The following MAGI2 variants were observed in gnomAD, a reference collection of about 807,000 sequenced individuals.
MAGI2 encodes membrane associated guanylate kinase, WW and PDZ domain containing 2, also known as membrane-associated guanylate kinase, WW and PDZ domain-containing protein 2.
MAGI2 carries 35 observed loss-of-function variants against 133.3 expected under a neutral mutation model. That is an observed-to-expected ratio of 0.26 (90% CI 0.20 to 0.35). MAGI2 has a LOEUF of 0.35. MAGI2 is among the 10% of genes least tolerant of loss of function. The pLI, the probability that MAGI2 is intolerant of heterozygous loss-of-function variation, is 1.00. For missense variants in MAGI2, 1,636 were observed against 1,863.4 expected, an observed-to-expected ratio of 0.88 and a Z score of 2.25; for synonymous variants, 729 against 710.6, an observed-to-expected ratio of 1.03 and a Z score of -0.41.
chr7:79,388,082 G>T (rs188434889), intron 1 of MAGI2, among the ~76,000 whole-genome samples: 97 of 151,970 alleles, frequency 6.4e-4, no homozygotes, highest in African/African-American at 2.2e-3. Flanking sequence ...ATTTACCTGA[G>T]ATTAGCATCT....
chr7:78,961,425 A>T (rs1197176289), intron 2 of MAGI2, among the ~76,000 whole-genome samples: 1 of 152,084 alleles, frequency 6.6e-6, no homozygotes, highest in African/African-American at 2.4e-5. Context: ...CCAGAAAAAC[A>T]TCTCCTTTGG....
At chr7:78,489,556 G>A (rs1793396772) in intron 6 of MAGI2, among the ~76,000 whole-genome samples, 1 of 152,072 alleles carries the variant, frequency 6.6e-6, no homozygotes, top group Admixed American at 6.6e-5. Context: ...GTGATATTCA[G>A]CACAGTCTCC....
chr7:78,452,120 A>G (rs529156814), intron 6 of MAGI2, among the ~76,000 whole-genome samples: 2 of 152,174 alleles, frequency 1.3e-5, no homozygotes, highest in East Asian at 3.9e-4. Context: ...CTGAGTGTGG[A>G]CTGTGTTCTA....
In MAGI2 at chr7:78,535,961, G is replaced by A. The variant is rs190188866; in HGVS notation, c.539-14316C>T. Among the ~76,000 whole-genome samples, 240 of 148,344 alleles carry A rather than the reference G, an allele frequency of 1.6e-3. 1 individual carries two copies. Among genetic ancestry groups the A allele is most frequent in the African/African-American group, 5.8e-3 (230 of 39,692 alleles). On this transcript the variant is annotated intron_variant, in intron 3 of 21. Transcript: ENST00000354212. ...AACTCCCTGTGATTTATCTTCCGCC[G>A]GACCAATCAGCACTCCCTACTTTCT...
At chr7:79,405,029 G>C (rs1845714730) in intron 1 of MAGI2, among the ~76,000 whole-genome samples, 3 of 152,106 alleles carry the variant, frequency 2.0e-5, no homozygotes, top group Admixed American at 6.6e-5. Flanking sequence ...AAGGGAAAAG[G>C]AGCTGGCCAT....
chr7:78,348,395 A>G (rs1791138548), intron 7 of MAGI2: 1 of 152,216 alleles, frequency 6.6e-6, no homozygotes, highest in African/African-American at 2.4e-5. Flanking sequence ...GGAGAACCCA[A>G]CAATGAAGTT....
rs528737581 is a variant in MAGI2, at chr7:78,285,954, G to A, written c.1409-29373C>T. ...TAAAATCTCTGGGACTGGAATGGAG[G>A]CATGAAAATATATTTTAAAGATCCC... On this transcript the variant is annotated intron_variant, in intron 9 of 21. Coordinates refer to ENST00000354212, the MANE Select transcript of MAGI2 (RefSeq NM_012301.4). 6 of 152,236 alleles carry A rather than the reference G, an allele frequency of 3.9e-5. No individual in the cohort carries two copies. The South Asian group carries it at 1.0e-3, about 26-fold the overall frequency. The allele number at this position is 152,236 out of a possible 1,614,324, so 9.4% of individuals were successfully genotyped here.
chr7:79,418,915 A>G (rs1846744002), intron 1 of MAGI2, among the ~76,000 whole-genome samples: 1 of 151,230 alleles, frequency 6.6e-6, no homozygotes, highest in Non-Finnish European at 1.5e-5. Context: ...AAAAGAATTT[A>G]CAAGCTCATA....
chr7:78,102,146 T>C (rs1818264980), intron 20 of MAGI2, among the ~76,000 whole-genome samples: 1 of 152,146 alleles, frequency 6.6e-6, no homozygotes, highest in Non-Finnish European at 1.5e-5. Context: ...ATGTGGAACC[T>C]TAAAAAGTGA....
intron 6 of MAGI2, among the ~76,000 whole-genome samples, chr7:78,383,024 A>C (rs1795068543): frequency 6.6e-6 from 1 of 152,110 alleles, no homozygotes; most frequent in Non-Finnish European, 1.5e-5. Context: ...ATGAACACTT[A>C]GGTTTATTTC....
At chr7:78,644,972 T>C (rs911047278) in intron 2 of MAGI2, among the ~76,000 whole-genome samples, 2 of 152,192 alleles carry the variant, frequency 1.3e-5, no homozygotes, top group African/African-American at 4.8e-5. Flanking sequence ...AGGATATTAA[T>C]GGTATATTAT....
rs1482734563 is a variant in MAGI2, at chr7:78,566,530, G to GT, written c.539-44886dup. Among the ~76,000 whole-genome samples, 10 of 74,624 alleles carry GT rather than the reference G, an allele frequency of 1.3e-4. No individual in the cohort carries two copies. In the South Asian group the frequency reaches 3.1e-3, roughly 23 times the overall value. 49.0% of individuals were successfully genotyped at this position (74,624 alleles called of 152,430 possible). A position where few individuals can be genotyped will look rare whatever the true frequency, so the allele number is the denominator to read the frequency against. Reference sequence around the variant, plus strand: ...AAAGACAGGGCTATCAACAGACACAGTTTAAAAAAAAAAAAAAAAACAGAG... The same window carrying GT: ...AAAGACAGGGCTATCAACAGACACAGTTTTAAAAAAAAAAAAAAAAACAGAG... On this transcript the variant is annotated intron_variant, in intron 3 of 21. Coordinates refer to ENST00000354212, the MANE Select transcript of MAGI2 (RefSeq NM_012301.4).
intron 2 of MAGI2, among the ~76,000 whole-genome samples, chr7:78,676,358 T>A (rs1250870403): frequency 2.0e-5 from 3 of 152,190 alleles, no homozygotes; most frequent in Non-Finnish European, 4.4e-5. Context: ...ATTCTCACAC[T>A]GTTTTCTTGG....
chr7:78,867,055 G>C (rs1018116055), intron 2 of MAGI2, among the ~76,000 whole-genome samples: 1 of 150,470 alleles, frequency 6.6e-6, no homozygotes, highest in Non-Finnish European at 1.5e-5. Context: ...TGCTGGAGAG[G>C]ATGTGGAGAA....
At position 78,673,699 on chromosome 7, in the gene MAGI2, C is replaced by T. The variant is rs935336261; in HGVS notation, c.419-46460G>A. Reference sequence around the variant, plus strand: ...CCCACTCACATTAGCCTGGGGGCGGCGGGGAGGGGGGCAGGCGGTGTTTAT... The same window carrying T: ...CCCACTCACATTAGCCTGGGGGCGGTGGGGAGGGGGGCAGGCGGTGTTTAT... On this transcript the variant is annotated intron_variant, in intron 2 of 21. Transcript: ENST00000354212. Among the ~76,000 whole-genome samples, 19 of 144,972 alleles carry T rather than the reference C, an allele frequency of 1.3e-4. No homozygotes were observed. In the South Asian group the frequency reaches 3.2e-3, roughly 25 times the overall value.
At chr7:78,670,562 A>T (rs927355136) in intron 2 of MAGI2, among the ~76,000 whole-genome samples, 2 of 152,184 alleles carry the variant, frequency 1.3e-5, no homozygotes, top group African/African-American at 4.8e-5. Context: ...ACAGAATTGG[A>T]AAACATTACT....
rs1482183046 is a variant in MAGI2, at chr7:78,536,154, C to T, written c.539-14509G>A. On this transcript the variant is annotated intron_variant, in intron 3 of 21. Transcript: ENST00000354212. The stretch of plus-strand genomic sequence containing the variant: ...TTGAGACGGAGTCTCGCTCTGTCGC[C>T]CAGGCTGGAGTGCAGTGGCGGGATC... Among the ~76,000 whole-genome samples, 24 of 122,290 alleles carry T rather than the reference C, an allele frequency of 2.0e-4. No individual in the cohort carries two copies. In the South Asian group the frequency reaches 2.9e-3, roughly 15 times the overall value. The allele number at this position is 122,290 out of a possible 152,430, so 80.2% of individuals were successfully genotyped here.
Position 79,429,789 on chromosome 7 carries a change from CTCTTT to C in MAGI2, c.301+23226_301+23230del, listed in dbSNP as rs1234437699. Among the ~76,000 whole-genome samples the C allele has an allele frequency of 3.8e-4, 58 of 152,152 alleles. No homozygotes were observed. In the East Asian group the frequency reaches 8.7e-3, roughly 23 times the overall value. Reference sequence around the variant, plus strand: ...TATTTTTCAGACATATTAAAACTGACTCTTTTCTAATAAAAATAATATGATTATCT... The same window carrying C: ...TATTTTTCAGACATATTAAAACTGACTCTAATAAAAATAATATGATTATCT... On this transcript the variant is annotated intron_variant, in intron 1 of 21. Coordinates refer to ENST00000354212, the MANE Select transcript of MAGI2 (RefSeq NM_012301.4).
chr7:79,433,269 T>TGGCCA (rs1215080820), intron 1 of MAGI2, among the ~76,000 whole-genome samples: 1 of 152,054 alleles, frequency 6.6e-6, no homozygotes, highest in Non-Finnish European at 1.5e-5. Flanking sequence ...ATAATTGTTT[T>TGGCCA]GGCCAGGCGC....
Sources: allele counts gnomAD v4.1 joint callset (sites outside exome capture counted in the v4.1 genomes callset), GRCh38; gene constraint gnomAD v4.1.1; transcripts MANE v1.5; gene names NCBI Gene and HGNC (gene_info 2026-07-23, HGNC 2026-07-21).